Variants in SRP19 observed in about 807,000 individuals in gnomAD.
SRP19 encodes the protein signal recognition particle 19.
Under a neutral mutation model 22.4 loss-of-function variants are expected in SRP19, and 11 were observed. The ratio of observed to expected loss-of-function variants is 0.49; its 90% CI spans 0.31 to 0.81. The LOEUF (loss-of-function observed/expected upper bound fraction) is 0.81, where lower values mean the gene tolerates loss of function less well. Ranked by LOEUF, SRP19 falls within the 40% of genes least tolerant of loss-of-function variation. SRP19 has a pLI of 0.05. For missense variants in SRP19, 168 were observed against 175.9 expected, an observed-to-expected ratio of 0.96 and a Z score of 0.25; for synonymous variants, 61 against 57.6, an observed-to-expected ratio of 1.06 and a Z score of -0.27.
At chr5:112,893,975 T>C (rs1463574248), downstream of SRP19, 1 of 152,208 alleles carries the variant, frequency 6.6e-6, no homozygotes, top group Admixed American at 6.5e-5. Flanking sequence ...TGACCCAAAA[T>C]GGAGAATTAA....
At chr5:112,876,222 C>A (rs1424141902) in intron 4 of SRP19, among the ~76,000 whole-genome samples, 1 of 151,954 alleles carries the variant, frequency 6.6e-6, no homozygotes, top group Non-Finnish European at 1.5e-5. Context: ...AAGTCTTTTC[C>A]TCTGGTAGGC....
At chr5:112,886,922 G>A (rs1003369318) in intron 4 of SRP19, 2 of 899,984 alleles carry the variant, frequency 2.2e-6, no homozygotes, top group South Asian at 2.0e-5. Context: ...CTGAGGGGTG[G>A]TGATAAGACA....
exon 5 of SRP19, chr5:112,892,789 G>T (rs760981548): frequency 6.2e-7 from 1 of 1,613,876 alleles, no homozygotes; most frequent in East Asian, 2.2e-5. Flanking sequence ...CAGGCAGCGG[G>T]GAAGGAGAAA....
rs551007326 is a variant in SRP19 at position 112,861,339 on chromosome 5, C to T, written c.-38C>T. The stretch of plus-strand genomic sequence containing the variant: ...TTCCTCCCGGGTTTCTGCCGGGTTT[C>T]TCCCTGCGGCTCCTGGGTTGTTGAG... On this transcript the variant is annotated 5_prime_UTR_variant, in exon 1 of 5. Coordinates refer to ENST00000505459, the MANE Select transcript of SRP19 (RefSeq NM_003135.3). 1.9e-6 allele frequency: 3 copies of T among 1,613,832 alleles called. No individual in the cohort carries two copies. The highest frequency in any genetic ancestry group is 2.2e-5 in the East Asian group (1 of 44,872).
chr5:112,872,664 GC>G (rs1180639503), downstream of SRP19, among the ~76,000 whole-genome samples: 2 of 152,034 alleles, frequency 1.3e-5, no homozygotes, highest in African/African-American at 2.4e-5. Context: ...CCTTTGCCTG[GC>G]TCTGATCTCT....
chr5:112,879,478 CTTAT>C (rs959262000), intron 4 of SRP19, among the ~76,000 whole-genome samples: 3 of 152,032 alleles, frequency 2.0e-5, no homozygotes, highest in Non-Finnish European at 4.4e-5. Context: ...TATTTATTTA[CTTAT>C]TTATTTTTTG....
intron 1 of SRP19, 64 bp downstream of exon 1, chr5:112,861,481 A>G: frequency 1.3e-6 from 2 of 1,554,792 alleles, no homozygotes; most frequent in Middle Eastern, 2.0e-4. Flanking sequence ...CAGGTGCTAC[A>G]CCGCGCTTCT....
rs878925970 is a variant in SRP19 at position 112,868,910 on chromosome 5, C to CTT, written c.*1374_*1375insTT. On this transcript the variant is annotated 3_prime_UTR_variant, in exon 5 of 5. Coordinates refer to ENST00000505459, the MANE Select transcript of SRP19 (RefSeq NM_003135.3). ...GCCTGTTGACTTTTTTTTTTTAACT[C>CTT]TAACAATTTCTGTTTTATAGTGAAC... is the stretch of plus-strand genomic sequence containing the variant. 6.6e-6 allele frequency: 1 copy of CTT among 151,682 alleles called. No homozygotes were observed. The highest frequency in any genetic ancestry group is 2.4e-5 in the African/African-American group (1 of 41,292). 9.4% of individuals were successfully genotyped at this position (151,682 alleles called of 1,614,324 possible). A position where few individuals can be genotyped will look rare whatever the true frequency, so the allele number is the denominator to read the frequency against.
rs1489205753 is a variant in SRP19 at position 112,869,246 on chromosome 5, TC to T, written c.*1711del. The T allele has an allele frequency of 6.6e-6, 1 of 152,206 alleles. No homozygotes were observed. Among genetic ancestry groups the T allele is most frequent in the African/African-American group, 2.4e-5 (1 of 41,442 alleles). 9.4% of individuals were successfully genotyped at this position (152,206 alleles called of 1,614,324 possible). ...TTTCTAACACCTTTATGATTATTGT[TC>T]CTGCTTGTAAAAGGGCTGATATTTA... is the stretch of plus-strand genomic sequence containing the variant. On this transcript the variant is annotated 3_prime_UTR_variant, in exon 5 of 5. Transcript: ENST00000505459.
intron 4 of SRP19, chr5:112,878,983 G>A (rs1767982989): frequency 8.2e-7 from 1 of 1,217,432 alleles, no homozygotes; most frequent in Non-Finnish European, 1.1e-6. Context: ...TTTGTGGTCT[G>A]GGCTAAGAGG....
rs145948533 is a variant in SRP19, at chr5:112,879,433, G to T, written c.302-12170G>T. Among the ~76,000 whole-genome samples, 132 of 152,074 alleles carry T rather than the reference G, an allele frequency of 8.7e-4. 1 individual carries two copies. Among genetic ancestry groups the T allele is most frequent in the Admixed American group, 6.1e-3 (93 of 15,248 alleles). ...GCCCTTAAATAGAATGGCATACATA[G>T]TATTTCCATATAACCTATGTGCTTT... On this transcript the variant is annotated intron_variant, in intron 4 of 4. Transcript: ENST00000391338.
intron 4 of SRP19, chr5:112,878,585 C>T: frequency 1.5e-6 from 1 of 676,208 alleles, no homozygotes; most frequent in South Asian, 2.7e-5. Flanking sequence ...GGACACTGCC[C>T]ACTGCATTAA....
intron 4 of SRP19, among the ~76,000 whole-genome samples, chr5:112,884,742 T>A (rs1240719041): frequency 6.6e-6 from 1 of 150,964 alleles, no homozygotes; most frequent in East Asian, 1.9e-4. Context: ...TTCCTAAACG[T>A]CTCTATTTAA....
Position 112,867,758 on chromosome 5 carries a change from A to G in SRP19, c.*221A>G, listed in dbSNP as rs1767656335. ...GTATAAAAGAATTTTTTTGTCTTTCAATGCAGTTTTTTGGAAGAAAATATT... is the reference window on the plus strand; with the variant it reads ...GTATAAAAGAATTTTTTTGTCTTTCGATGCAGTTTTTTGGAAGAAAATATT... On this transcript the variant is annotated 3_prime_UTR_variant, in exon 5 of 5. Coordinates refer to ENST00000505459, the MANE Select transcript of SRP19 (RefSeq NM_003135.3). 8.0e-7 allele frequency: 1 copy of G among 1,251,360 alleles called. No individual in the cohort carries two copies. The highest frequency in any genetic ancestry group is 3.0e-5 in the East Asian group (1 of 32,854). 77.5% of individuals were successfully genotyped at this position (1,251,360 alleles called of 1,614,324 possible).
chr5:112,892,176 C>T lies in SRP19; in HGVS notation c.*569C>T, dbSNP rs1486839800. On this transcript the variant is annotated 3_prime_UTR_variant, in exon 5 of 5. Transcript: ENST00000391338. Reference sequence around the variant, plus strand: ...AGAAGGATCGAGCTAATTGTCCCTTCTACAGTAAAACAGGAGCTTGCAGAT... The same window carrying T: ...AGAAGGATCGAGCTAATTGTCCCTTTTACAGTAAAACAGGAGCTTGCAGAT... The T allele has an allele frequency of 5.0e-6, 8 of 1,614,164 alleles. No individual in the cohort carries two copies. The African/African-American group carries it at 1.1e-4, about 22-fold the overall frequency.
intron 4 of SRP19, chr5:112,876,954 A>T (rs1160230527): frequency 6.6e-6 from 1 of 152,152 alleles, no homozygotes; most frequent in Non-Finnish European, 1.5e-5. Context: ...TATGCTGTCA[A>T]TCTGATTATA....
Position 112,862,508 on chromosome 5 carries a change from G to A in SRP19, c.42G>A (p.Arg14=), listed in dbSNP as rs1234105330. 1 of 1,613,738 alleles carries A rather than the reference G, an allele frequency of 6.2e-7. No individual in the cohort carries two copies. The highest frequency in any genetic ancestry group is 2.2e-5 in the East Asian group (1 of 44,886). Residue 14 remains arginine, a splice_region_variant and synonymous_variant, in exon 2 of 5, where the codon AGG becomes AGA. Transcript: ENST00000505459. ...CCACTTATGCTATTGTCTATGGCAG[G>A]TTTATTTGTATCTATCCTGCTTATT... ...AAARSPADQD[R]FICIYPAYLN...
Position 112,868,204 on chromosome 5 carries a change from CTG to C in SRP19, c.*670_*671del, listed in dbSNP as rs763893804. The C allele has an allele frequency of 1.0e-6, 1 of 985,464 alleles. No individual in the cohort carries two copies. Among genetic ancestry groups the C allele is most frequent in the Non-Finnish European group, 1.2e-6 (1 of 829,946 alleles). 61.0% of individuals were successfully genotyped at this position (985,464 alleles called of 1,614,324 possible). A position where few individuals can be genotyped will look rare whatever the true frequency, so the allele number is the denominator to read the frequency against. The stretch of plus-strand genomic sequence containing the variant: ...ATTTTCATGGGAGTTGTAAAATTAA[CTG>C]TGCTTTAGCACCTTGAGGTACACTT... On this transcript the variant is annotated 3_prime_UTR_variant, in exon 5 of 5. Transcript: ENST00000505459.
downstream of SRP19, among the ~76,000 whole-genome samples, chr5:112,870,665 A>G (rs1324000800): frequency 6.6e-6 from 1 of 152,102 alleles, no homozygotes; most frequent in African/African-American, 2.4e-5. Context: ...TTGGGAGGTG[A>G]TTGGGCCATG....
Sources: allele counts gnomAD v4.1 joint callset (sites outside exome capture counted in the v4.1 genomes callset), GRCh38; gene constraint gnomAD v4.1.1; transcripts MANE v1.5; gene names NCBI Gene and HGNC (gene_info 2026-07-23, HGNC 2026-07-21).